The following TM9SF2 variants were observed in gnomAD, a reference collection of about 807,000 sequenced individuals.
TM9SF2 encodes transmembrane 9 superfamily member 2.
Under a neutral mutation model 84.9 loss-of-function variants are expected in TM9SF2, and 13 were observed. The observed-to-expected ratio is 0.15, with a 90% CI of 0.10 to 0.24. The LOEUF (loss-of-function observed/expected upper bound fraction) is 0.24, where lower values mean the gene tolerates loss of function less well. TM9SF2 is among the 10% of genes least tolerant of loss of function. The pLI is 1.00. For missense variants in TM9SF2, 562 were observed against 818.5 expected, an observed-to-expected ratio of 0.69 and a Z score of 3.82; for synonymous variants, 273 against 285.8, an observed-to-expected ratio of 0.96 and a Z score of 0.45.
intron 7 of TM9SF2, among the ~76,000 whole-genome samples, 197 bp downstream of exon 7, chr13:99,539,754 G>A (rs2046250320): frequency 6.6e-6 from 1 of 152,058 alleles, no homozygotes; most frequent in South Asian, 2.1e-4. Flanking sequence ...GAATATAGAG[G>A]AAGTTGAAGA....
chr13:99,514,104 T>A (rs530892564), intron 1 of TM9SF2: 1 of 152,382 alleles, frequency 6.6e-6, no homozygotes, highest in South Asian at 2.1e-4. Context: ...AGTGGCCTTA[T>A]AAGATGATAA....
chr13:99,529,886 G>A (rs536822273), intron 4 of TM9SF2, among the ~76,000 whole-genome samples: 1 of 151,946 alleles, frequency 6.6e-6, no homozygotes, highest in Non-Finnish European at 1.5e-5. Context: ...CATACCTTGG[G>A]GATACTGAGG....
rs2046240809 is a variant in TM9SF2, at chr13:99,537,787, A to G, written c.640A>G (p.Ile214Val). 1.2e-6 allele frequency: 2 copies of G among 1,611,480 alleles called. No individual in the cohort carries two copies. Among genetic ancestry groups the G allele is most frequent in the Non-Finnish European group, 1.7e-6 (2 of 1,179,568 alleles). Reference sequence around the variant, plus strand: ...ATTTTACATCTTCAACCATGTTGACATCAAAATATACTATCATGTTGTTGA... The same window carrying G: ...ATTTTACATCTTCAACCATGTTGACGTCAAAATATACTATCATGTTGTTGA... ...DTFYIFNHVD[I>V]KIYYHVVETG... Residue 214 changes from isoleucine to valine, a missense_variant, in exon 6 of 17, where the codon ATC (isoleucine) becomes GTC (valine). This residue lies in a region of TM9SF2 where 267 missense variants were observed against 316.7 expected (regional missense o/e 0.84). Coordinates refer to ENST00000376387, the MANE Select transcript of TM9SF2 (RefSeq NM_004800.3).
At chr13:99,530,385 C>T (rs1396932205) in intron 4 of TM9SF2, among the ~76,000 whole-genome samples, 3 of 152,232 alleles carry the variant, frequency 2.0e-5, no homozygotes, top group Non-Finnish European at 4.4e-5. Context: ...GATCGTGCCA[C>T]TGCACTCCCG....
intron 1 of TM9SF2, among the ~76,000 whole-genome samples, chr13:99,503,709 C>CAA (rs386380419): frequency 0.2 from 15,471 of 77,596 alleles, 1,450 homozygotes; most frequent in African/African-American, 0.24. Context: ...GACTTTGTCT[C>CAA]AAAAAAAAAA....
intron 6 of TM9SF2, among the ~76,000 whole-genome samples, chr13:99,538,123 G>T (rs761582627): frequency 2.0e-5 from 3 of 152,152 alleles, no homozygotes; most frequent in African/African-American, 7.2e-5. Context: ...GCTTTTCCAC[G>T]TGTCAGTGGG....
chr13:99,533,728 G>C (rs1407291318), intron 4 of TM9SF2, among the ~76,000 whole-genome samples: 2 of 152,034 alleles, frequency 1.3e-5, no homozygotes, highest in Non-Finnish European at 2.9e-5. Flanking sequence ...GCACAGTCTC[G>C]ACTCACTGCA....
At chr13:99,530,881 G>T (rs545707941) in intron 4 of TM9SF2, among the ~76,000 whole-genome samples, 24 of 149,454 alleles carry the variant, frequency 1.6e-4, no homozygotes, top group African/African-American at 5.7e-4. Flanking sequence ...TTTTTTCTGA[G>T]ATGGAGTCTC....
chr13:99,543,868 T>C lies in TM9SF2; in HGVS notation c.1023T>C (p.Asp341=). 6.2e-7 allele frequency: 1 copy of C among 1,614,014 alleles called. No homozygotes were observed. Among genetic ancestry groups the C allele is most frequent in the East Asian group, 2.2e-5 (1 of 44,876 alleles). Reference sequence around the variant, plus strand: ...TGATTTCATTCCCCTTTTAGGAAGATGCCCAGGAAGAATTTGGCTGGAAAC... The same window carrying C: ...TGATTTCATTCCCCTTTTAGGAAGACGCCCAGGAAGAATTTGGCTGGAAAC... ...ARYNQMDSTE[D]AQEEFGWKLV... Residue 341 remains aspartate, a synonymous_variant, in exon 10 of 17, where the codon GAT becomes GAC. Transcript: ENST00000376387.
chr13:99,557,843 A>G (rs564179504), intron 15 of TM9SF2, among the ~76,000 whole-genome samples: 7 of 152,252 alleles, frequency 4.6e-5, no homozygotes, highest in African/African-American at 1.7e-4. Flanking sequence ...GAACCTGGGC[A>G]ACAGAGTGAG....
At chr13:99,526,134 C>G (rs916663057) in intron 3 of TM9SF2, among the ~76,000 whole-genome samples, 1 of 152,144 alleles carries the variant, frequency 6.6e-6, no homozygotes, top group South Asian at 2.1e-4. Context: ...ATGGCCACCC[C>G]ACCTGTGAGT....
At chr13:99,525,644 C>T (rs555828158) in intron 3 of TM9SF2, among the ~76,000 whole-genome samples, 2 of 151,816 alleles carry the variant, frequency 1.3e-5, no homozygotes, top group South Asian at 2.1e-4. Context: ...CAAGCTCCAC[C>T]TGCCGAGTTC....
intron 3 of TM9SF2, among the ~76,000 whole-genome samples, chr13:99,524,805 C>T (rs771585699): frequency 1.7e-4 from 26 of 151,846 alleles, no homozygotes; most frequent in Admixed American, 3.3e-4. Context: ...TTAAGAGATC[C>T]GCCCCCTCTC....
chr13:99,562,363 T>A (rs1272392598), intron 16 of TM9SF2, among the ~76,000 whole-genome samples: 1 of 152,268 alleles, frequency 6.6e-6, no homozygotes. Flanking sequence ...CTAGTAGCGT[T>A]TTCCATTTTG....
At chr13:99,535,916 G>A (rs2139093734) in intron 4 of TM9SF2, among the ~76,000 whole-genome samples, 1 of 152,292 alleles carries the variant, frequency 6.6e-6, no homozygotes, top group South Asian at 2.1e-4. Context: ...GAACTTGAAA[G>A]ATTTGGTTCG....
chr13:99,539,209 CAAAAAAAAAAAA>C (rs1319604584), intron 6 of TM9SF2, among the ~76,000 whole-genome samples: 3 of 99,780 alleles, frequency 3.0e-5, no homozygotes, highest in Admixed American at 1.1e-4. Flanking sequence ...GACCCTGTCC[CAAAAAAAAAAAA>C]GAAAAAAAAA....
chr13:99,525,649 G>A (rs1487704660), intron 3 of TM9SF2, among the ~76,000 whole-genome samples: 9 of 148,848 alleles, frequency 6.0e-5, no homozygotes, highest in Non-Finnish European at 1.3e-4. Flanking sequence ...TCCACCTGCC[G>A]AGTTCACACC....
intron 6 of TM9SF2, among the ~76,000 whole-genome samples, chr13:99,538,270 G>A (rs1352690546): frequency 6.6e-6 from 1 of 152,140 alleles, no homozygotes. Flanking sequence ...CCCCTATGCA[G>A]TGTTAGATGC....
At chr13:99,517,885 CTTTT>C (rs991683731) in intron 2 of TM9SF2, among the ~76,000 whole-genome samples, 1 of 152,006 alleles carries the variant, frequency 6.6e-6, no homozygotes, top group African/African-American at 2.4e-5. Context: ...CAATGGATTT[CTTTT>C]TTTATCTGAC....
Sources: gnomAD v4.1 joint callset for allele counts (sites outside exome capture counted in the v4.1 genomes callset) on GRCh38, gnomAD v4.1.1 for gene constraint, gnomAD v4.1.1 regional missense constraint, MANE v1.5 for transcripts, NCBI Gene and HGNC (gene_info 2026-07-23, HGNC 2026-07-21) for gene names.